Variants in AQR observed in about 807,000 individuals in gnomAD.
AQR encodes aquarius intron-binding spliceosomal factor.
In AQR, 61 loss-of-function variants were observed where a neutral mutation model predicts 180.5. The observed-to-expected ratio is 0.34, with a 90% CI of 0.28 to 0.42. AQR has a LOEUF of 0.42. Among genes scored for constraint, AQR ranks in the 10% least tolerant of loss-of-function variants. AQR has a pLI of 1.00. For synonymous variants in AQR, 551 were observed against 588.8 expected (o/e 0.94, Z 0.93); for missense variants, 1,281 against 1,798.3 (o/e 0.71, Z 5.20).
chr15:34,942,206 A>G (rs1032189983), intron 6 of AQR, 126 bp from the exon 7 acceptor site: 5 of 510,384 alleles, frequency 9.8e-6, no homozygotes, highest in African/African-American at 7.8e-5. Flanking sequence ...TTTCAAGTTA[A>G]TATTTTGATA....
chr15:34,929,373 G>A lies in AQR; in HGVS notation c.1014+885C>T, dbSNP rs1012072057. ...CCTTGAGTTAATTTTTGTATAAGCT[G>A]TAAGGAAGGGGTCCAGTTTCATTTT... On this transcript the variant is annotated intron_variant, in intron 12 of 34. Transcript: ENST00000156471. Among the ~76,000 whole-genome samples the A allele has an allele frequency of 2.0e-5, 3 of 152,138 alleles. No individual in the cohort carries two copies. In the South Asian group the frequency reaches 6.2e-4, roughly 32 times the overall value.
intron 23 of AQR, among the ~76,000 whole-genome samples, chr15:34,892,805 T>C (rs562577452): frequency 6.6e-6 from 1 of 152,346 alleles, no homozygotes; most frequent in South Asian, 2.1e-4. Flanking sequence ...TACTGAAATG[T>C]TGACTATCTC....
intron 19 of AQR, among the ~76,000 whole-genome samples, chr15:34,903,592 TCTG>T (rs1411911841): frequency 6.6e-6 from 1 of 152,094 alleles, no homozygotes; most frequent in East Asian, 1.9e-4. Context: ...AAGAACAAGT[TCTG>T]CTGTTCAAAA....
At chr15:34,861,524 T>G (rs926969378) in intron 33 of AQR, among the ~76,000 whole-genome samples, 2 of 152,180 alleles carry the variant, frequency 1.3e-5, no homozygotes. Context: ...TTCAGTGATA[T>G]TGTCTGACCT....
intron 22 of AQR, among the ~76,000 whole-genome samples, chr15:34,895,463 ACT>A (rs1315759392): frequency 6.6e-6 from 1 of 151,534 alleles, no homozygotes; most frequent in Non-Finnish European, 1.5e-5. Context: ...TTTATAAGAA[ACT>A]CACCTCAAAT....
chr15:34,895,333 T>C (rs1304421140), intron 22 of AQR, among the ~76,000 whole-genome samples: 1 of 147,712 alleles, frequency 6.8e-6, no homozygotes, highest in African/African-American at 2.5e-5. Flanking sequence ...TAAATAAAAA[T>C]GATAGGCCTA....
chr15:34,859,581 C>G (rs1892640107), intron 34 of AQR, among the ~76,000 whole-genome samples: 2 of 152,070 alleles, frequency 1.3e-5, no homozygotes, highest in Admixed American at 1.3e-4. Context: ...CTTGTATAAG[C>G]AATAGTAGCC....
At chr15:34,949,293 G>A (rs1266840736) in intron 4 of AQR, among the ~76,000 whole-genome samples, 1 of 151,790 alleles carries the variant, frequency 6.6e-6, no homozygotes, top group East Asian at 2.0e-4. Flanking sequence ...ACTACACTGG[G>A]CCTTTAACTT....
intron 16 of AQR, among the ~76,000 whole-genome samples, chr15:34,914,630 G>C (rs7182492): frequency 0.77 from 117,404 of 152,118 alleles, 45,881 homozygotes; most frequent in Middle Eastern, 0.87. Context: ...ACAAGAGTAG[G>C]TGGATTAATG....
At chr15:34,917,872 T>C (rs1331562439) in intron 15 of AQR, among the ~76,000 whole-genome samples, 1 of 146,768 alleles carries the variant, frequency 6.8e-6, no homozygotes, top group Non-Finnish European at 1.5e-5. Context: ...TGGTCCCAGG[T>C]ACTCGGGAGG....
intron 1 of AQR, among the ~76,000 whole-genome samples, chr15:34,965,342 AGCCTCTAAAAATATTACAGT>A (rs1240688783): frequency 6.6e-6 from 1 of 152,192 alleles, no homozygotes; most frequent in Non-Finnish European, 1.5e-5. Flanking sequence ...CCTGAGGAAT[AGCCTCTAAAAATATTACAGT>A]AACTTCCTAC....
chr15:34,946,376 G>C (rs1276757302), intron 5 of AQR, among the ~76,000 whole-genome samples: 1 of 152,024 alleles, frequency 6.6e-6, no homozygotes, highest in Non-Finnish European at 1.5e-5. Flanking sequence ...ACTCCCTCTT[G>C]AGGTCGGGGG....
At chr15:34,888,246 C>T (rs933825871) in intron 24 of AQR, among the ~76,000 whole-genome samples, 1 of 151,114 alleles carries the variant, frequency 6.6e-6, no homozygotes, top group African/African-American at 2.4e-5. Flanking sequence ...TACAGTGAAC[C>T]GAGATCATAC....
chr15:34,957,227 G>C (rs2140506209), intron 3 of AQR, among the ~76,000 whole-genome samples: 1 of 152,030 alleles, frequency 6.6e-6, no homozygotes, highest in Non-Finnish European at 1.5e-5. Context: ...CACAATTTCA[G>C]CTCACTGCAA....
intron 7 of AQR, among the ~76,000 whole-genome samples, 194 bp downstream of exon 7, chr15:34,941,818 A>C (rs536436726): frequency 4.6e-5 from 7 of 152,298 alleles, no homozygotes; most frequent in African/African-American, 1.4e-4. Flanking sequence ...ATATTACTAA[A>C]ATTAAGTTAA....
intron 27 of AQR, among the ~76,000 whole-genome samples, 155 bp downstream of exon 27, chr15:34,882,347 A>T: frequency 6.6e-6 from 1 of 151,970 alleles, no homozygotes; most frequent in East Asian, 1.9e-4. Context: ...TAGAAAAATT[A>T]GATTCAGAGT....
chr15:34,937,791 G>A (rs1405103601), intron 9 of AQR, among the ~76,000 whole-genome samples: 1 of 152,010 alleles, frequency 6.6e-6, no homozygotes, highest in Non-Finnish European at 1.5e-5. Context: ...GGCTGAGGCA[G>A]GAGAATTGCT....
chr15:34,895,106 G>A (rs1250205445), intron 22 of AQR, among the ~76,000 whole-genome samples: 1 of 130,284 alleles, frequency 7.7e-6, no homozygotes, highest in East Asian at 2.5e-4. Flanking sequence ...AGGTTGCAGT[G>A]AGCTAAGATG....
At chr15:34,962,776 A>T (rs764692529) in intron 2 of AQR, among the ~76,000 whole-genome samples, 1 of 152,160 alleles carries the variant, frequency 6.6e-6, no homozygotes, top group Non-Finnish European at 1.5e-5. Context: ...CCTCCAAAAA[A>T]AAAAAATAAA....
Sources: gnomAD v4.1 joint callset for allele counts (sites outside exome capture counted in the v4.1 genomes callset) on GRCh38, gnomAD v4.1.1 for gene constraint, MANE v1.5 for transcripts, NCBI Gene and HGNC (gene_info 2026-07-23, HGNC 2026-07-21) for gene names.